The following EDDM13 variants were observed in gnomAD, a reference collection of about 807,000 sequenced individuals.
The protein encoded by EDDM13 is epididymal protein 13.
In EDDM13, 24 loss-of-function variants were observed where a neutral mutation model predicts 17.8. That is an observed-to-expected ratio of 1.35 (90% CI 0.98 to 1.90). EDDM13 has a LOEUF of 1.90. EDDM13 is among the 40% of genes most tolerant of loss of function. The pLI is 0.00. For missense variants in EDDM13, 97 were observed against 100.8 expected, an observed-to-expected ratio of 0.96 and a Z score of 0.16; for synonymous variants, 31 against 37.5, an observed-to-expected ratio of 0.83 and a Z score of 0.63.
intron 13 of EDDM13, chr19:56,302,872 G>C (rs1382002797): frequency 1.0e-5 from 4 of 398,660 alleles, no homozygotes; most frequent in Non-Finnish European, 1.8e-5. Context: ...CCTGTTGCTG[G>C]TTGCTGGGGA....
chr19:56,275,323 C>T (rs1009583007), intron 1 of EDDM13, among the ~76,000 whole-genome samples: 1 of 152,064 alleles, frequency 6.6e-6, no homozygotes, highest in African/African-American at 2.4e-5. Flanking sequence ...TTTCTATTCC[C>T]CTTATTCATC....
At position 56,294,694 on chromosome 19, in the gene EDDM13, C is replaced by T. The variant is rs117725419; in HGVS notation, c.233-1265C>T. On this transcript the variant is annotated intron_variant, in intron 9 of 14. Transcript: ENST00000649256. Reference sequence around the variant, plus strand: ...GACAACACATTGTGAATGGGCATGGCTCTGTTCCAATAAAACTTCATCTAC... The same window carrying T: ...GACAACACATTGTGAATGGGCATGGTTCTGTTCCAATAAAACTTCATCTAC... Among the ~76,000 whole-genome samples, 904 of 152,252 alleles carry T rather than the reference C, an allele frequency of 5.9e-3. 6 individuals carry two copies. Among genetic ancestry groups the T allele is most frequent in the Middle Eastern group, 0.01 (3 of 294 alleles).
chr19:56,300,859 A>C (rs2040178323), intron 12 of EDDM13, among the ~76,000 whole-genome samples: 2 of 152,216 alleles, frequency 1.3e-5, no homozygotes, highest in South Asian at 4.1e-4. Flanking sequence ...GACAAGGGAA[A>C]AATGTTACAC....
chr19:56,286,176 C>T (rs184696185), intron 6 of EDDM13, among the ~76,000 whole-genome samples: 2 of 152,026 alleles, frequency 1.3e-5, no homozygotes, highest in Non-Finnish European at 2.9e-5. Flanking sequence ...CGCCCACCAC[C>T]ATGCTCGGCT....
intron 12 of EDDM13, among the ~76,000 whole-genome samples, chr19:56,298,395 T>C (rs952232480): frequency 1.3e-5 from 2 of 152,114 alleles, no homozygotes; most frequent in African/African-American, 4.8e-5. Flanking sequence ...CCCAGCATTC[T>C]GGGAGGCCGA....
intron 2 of EDDM13, among the ~76,000 whole-genome samples, chr19:56,278,101 A>AT (rs34892463): frequency 0.41 from 59,602 of 144,732 alleles, 13,160 homozygotes; most frequent in Non-Finnish European, 0.51. Context: ...ACAATGTGCT[A>AT]TTTTTTTTTT....
chr19:56,285,453 A>G (rs1446275660), intron 6 of EDDM13, among the ~76,000 whole-genome samples: 2 of 152,202 alleles, frequency 1.3e-5, no homozygotes, highest in Admixed American at 6.5e-5. Flanking sequence ...TTTTAGTGAT[A>G]TAACTTTACC....
At chr19:56,302,585 T>TTTCTTCCTCTCCCTC (rs200943499) in intron 13 of EDDM13, among the ~76,000 whole-genome samples, 31 of 43,764 alleles carry the variant, frequency 7.1e-4, no homozygotes, top group South Asian at 2.3e-3. Context: ...TCCTCCCCCT[T>TTTCTTCCTCTCCCTC]TTCTTCCTCT....
chr19:56,291,037 G>C (rs1227642483), intron 9 of EDDM13, among the ~76,000 whole-genome samples, 191 bp downstream of exon 9: 1 of 152,182 alleles, frequency 6.6e-6, no homozygotes, highest in African/African-American at 2.4e-5. Flanking sequence ...AGATTGTGTG[G>C]AGAGCCGTGA....
At chr19:56,308,086 C>G (rs530032635) in intron 14 of EDDM13, among the ~76,000 whole-genome samples, 1 of 152,316 alleles carries the variant, frequency 6.6e-6, no homozygotes, top group African/African-American at 2.4e-5. Flanking sequence ...CAGGCTGGAG[C>G]GCAGTGGCGC....
chr19:56,293,400 C>T (rs2039648024), intron 9 of EDDM13, among the ~76,000 whole-genome samples: 1 of 152,022 alleles, frequency 6.6e-6, no homozygotes, highest in South Asian at 2.1e-4. Flanking sequence ...CAAAGCGGCT[C>T]AGACTAACGA....
Position 56,306,220 on chromosome 19 carries a change from G to A in EDDM13, c.461+1390G>A, listed in dbSNP as rs73937232. Among the ~76,000 whole-genome samples the A allele has an allele frequency of 1.4e-4, 22 of 152,296 alleles. No individual in the cohort carries two copies. The East Asian group carries it at 3.5e-3, about 24-fold the overall frequency. ...GGTCAAGGCTAGGGTCCAGGGTACG[G>A]AGAGAAAGTACGAAAGACAGATGGG... On this transcript the variant is annotated intron_variant, in intron 14 of 14. Coordinates refer to ENST00000649256, the MANE Select transcript of EDDM13 (RefSeq NM_001354658.2).
chr19:56,292,439 G>T (rs188059539), intron 9 of EDDM13, among the ~76,000 whole-genome samples: 130 of 129,710 alleles, frequency 1.0e-3, no homozygotes, highest in Middle Eastern at 5.0e-3. Context: ...ATTATTTTTG[G>T]TTTTTTTGTC....
At chr19:56,288,516 C>A (rs917656065) in intron 7 of EDDM13, among the ~76,000 whole-genome samples, 78 bp downstream of exon 7, 1 of 152,196 alleles carries the variant, frequency 6.6e-6, no homozygotes, top group Non-Finnish European at 1.5e-5. Flanking sequence ...AACGATACCC[C>A]ACTTTTGATG....
At chr19:56,292,923 C>T (rs555739622) in intron 9 of EDDM13, among the ~76,000 whole-genome samples, 1 of 152,368 alleles carries the variant, frequency 6.6e-6, no homozygotes, top group South Asian at 2.1e-4. Flanking sequence ...CTGAGCAATA[C>T]TCCATTGCAT....
intron 13 of EDDM13, among the ~76,000 whole-genome samples, chr19:56,302,527 TC>T (rs72260130): frequency 2.4e-4 from 12 of 50,740 alleles, no homozygotes; most frequent in East Asian, 1.3e-3. Context: ...CCTCCCTCCC[TC>T]CCTCTTCTTC....
intron 1 of EDDM13, 26 bp downstream of exon 1, chr19:56,272,945 T>C (rs1335912979): frequency 7.3e-6 from 7 of 958,220 alleles, no homozygotes; most frequent in Non-Finnish European, 7.5e-6. Flanking sequence ...ATGCCTTGTG[T>C]CCTCTATGTA....
At chr19:56,298,687 A>G (rs1482397701) in intron 12 of EDDM13, among the ~76,000 whole-genome samples, 1 of 152,002 alleles carries the variant, frequency 6.6e-6, no homozygotes. Context: ...TCCTCTATCT[A>G]TTAAAGAAAT....
chr19:56,273,845 A>G (rs2038041930), intron 1 of EDDM13, among the ~76,000 whole-genome samples: 1 of 152,042 alleles, frequency 6.6e-6, no homozygotes, highest in African/African-American at 2.4e-5. Flanking sequence ...TCAGCAAAGG[A>G]GTGTCATATT....
Sources: allele counts gnomAD v4.1 joint callset (sites outside exome capture counted in the v4.1 genomes callset), GRCh38; gene constraint gnomAD v4.1.1; transcripts MANE v1.5; gene names NCBI Gene and HGNC (gene_info 2026-07-23, HGNC 2026-07-21).